SPINK8: variants seen among roughly 807,000 people sequenced by gnomAD.
The protein encoded by SPINK8 is serine protease inhibitor Kazal-type 8.
In SPINK8, 12 loss-of-function variants were observed where a neutral mutation model predicts 14.4. The ratio of observed to expected loss-of-function variants is 0.83; its 90% CI spans 0.53 to 1.35. SPINK8 has a LOEUF of 1.35. Ranked by LOEUF, SPINK8 falls within the 40% of genes most tolerant of loss-of-function variation. The pLI is 0.00. For missense variants in SPINK8, 103 were observed against 117.0 expected, an observed-to-expected ratio of 0.88 and a Z score of 0.55; for synonymous variants, 32 against 37.6, an observed-to-expected ratio of 0.85 and a Z score of 0.55.
At chr3:48,320,281 G>A (rs2036054849) in intron 5 of SPINK8, among the ~76,000 whole-genome samples, 1 of 152,132 alleles carries the variant, frequency 6.6e-6, no homozygotes, top group African/African-American at 2.4e-5. Flanking sequence ...CAGGCATGGC[G>A]GCTCACGCCT....
intron 6 of SPINK8, among the ~76,000 whole-genome samples, chr3:48,311,377 G>A (rs1035527112): frequency 1.3e-5 from 2 of 152,102 alleles, no homozygotes; most frequent in Admixed American, 6.5e-5. Context: ...ACATTGGACT[G>A]GAAATTCTAG....
intron 4 of SPINK8, among the ~76,000 whole-genome samples, chr3:48,322,382 C>T (rs2036087573): frequency 6.6e-6 from 1 of 151,720 alleles, no homozygotes; most frequent in African/African-American, 2.4e-5. Context: ...GTCGCCTAAG[C>T]TGGAGTGCAG....
At chr3:48,307,074 A>C (rs79089926) in intron 7 of SPINK8, 71 bp from the exon 8 acceptor site, 403,293 of 1,433,362 alleles carry the variant, frequency 0.28, 60,539 homozygotes, top group South Asian at 0.32. Flanking sequence ...ACACTGGTAA[A>C]CACAACCATA....
chr3:48,312,209 G>T (rs1044445804), intron 6 of SPINK8, among the ~76,000 whole-genome samples: 3 of 151,330 alleles, frequency 2.0e-5, no homozygotes, highest in African/African-American at 7.3e-5. Context: ...CAAAAGAAAA[G>T]AATCAAGGAT....
intron 3 of SPINK8, 41 bp from the exon 4 acceptor site, chr3:48,328,395 T>C: frequency 1.4e-6 from 2 of 1,471,592 alleles, no homozygotes; most frequent in East Asian, 4.7e-5. Flanking sequence ...CAAACATCTA[T>C]GCGAAGTACA....
chr3:48,316,380 T>G (rs961580834), intron 6 of SPINK8: 9 of 155,880 alleles, frequency 5.8e-5, no homozygotes, highest in African/African-American at 2.2e-4. Flanking sequence ...TCATACTGCT[T>G]CTAGCCTCCA....
At position 48,319,410 on chromosome 3, in the gene SPINK8, G is replaced by C. The variant is rs1015678163; in HGVS notation, c.239+87C>G. The C allele has an allele frequency of 4.7e-6, 7 of 1,477,730 alleles. No homozygotes were observed. In the South Asian group the frequency reaches 7.3e-5, roughly 16 times the overall value. The allele number at this position is 1,477,730 out of a possible 1,614,324, so 91.5% of individuals were successfully genotyped here. ...TGGAGAGAAGGTCTCATTGGATGATGTAGGAAGTGGGCTGAGGTCATCACC... is the reference window on the plus strand; with the variant it reads ...TGGAGAGAAGGTCTCATTGGATGATCTAGGAAGTGGGCTGAGGTCATCACC... On this transcript the variant is annotated intron_variant, in intron 6 of 7. Coordinates refer to ENST00000434006, the MANE Select transcript of SPINK8 (RefSeq NM_001080525.3).
chr3:48,309,977 T>C lies in SPINK8; in HGVS notation c.240-31A>G. On this transcript the variant is annotated intron_variant, in intron 6 of 7. Coordinates refer to ENST00000434006, the MANE Select transcript of SPINK8 (RefSeq NM_001080525.3). The stretch of plus-strand genomic sequence containing the variant: ...AGAAATTATATTTTAAAATTATTTT[T>C]GCTGTATGGTATATCATAAATTCTG... The C allele has an allele frequency of 2.1e-6, 3 of 1,401,926 alleles. No individual in the cohort carries two copies. In the East Asian group the frequency reaches 8.9e-5, roughly 42 times the overall value. 86.8% of individuals were successfully genotyped at this position (1,401,926 alleles called of 1,614,324 possible).
chr3:48,332,268 T>C (rs530711266), intron 2 of SPINK8, among the ~76,000 whole-genome samples, 98 bp downstream of exon 2: 6 of 152,186 alleles, frequency 3.9e-5, no homozygotes, highest in Non-Finnish European at 8.8e-5. Flanking sequence ...ATCTCTATTA[T>C]AAAAACTGAG....
In SPINK8 at chr3:48,329,216, T is replaced by C. The variant is rs774377388; in HGVS notation, c.-77A>G. Among the ~76,000 whole-genome samples the C allele has an allele frequency of 1.3e-5, 2 of 152,256 alleles. No homozygotes were observed. The highest frequency in any genetic ancestry group is 4.8e-5 in the African/African-American group (2 of 41,472). Reference sequence around the variant, plus strand: ...AACAGGATGGTTTTTGTTGATAGTTTGTTCATAATGAACTAGGAAGGAAGG... The same window carrying C: ...AACAGGATGGTTTTTGTTGATAGTTCGTTCATAATGAACTAGGAAGGAAGG... On this transcript the variant is annotated 5_prime_UTR_variant, in exon 3 of 8. Coordinates refer to ENST00000434006, the MANE Select transcript of SPINK8 (RefSeq NM_001080525.3).
At position 48,330,293 on chromosome 3, in the gene SPINK8, C is replaced by T. The variant is rs374940864; in HGVS notation, c.-135-1019G>A. ...CAGCACTTTGGGAAGCTGAGGCAGG[C>T]GGATCGCTTGAGGCTAGGAGTTCGA... On this transcript the variant is annotated intron_variant, in intron 2 of 7. Transcript: ENST00000434006. 2.8e-3 allele frequency among the ~76,000 whole-genome samples: 424 copies of T among 152,186 alleles called. 3 individuals are homozygous for T. The highest frequency in any genetic ancestry group is 9.4e-3 in the African/African-American group (392 of 41,508).
At chr3:48,320,995 G>A (rs1275741169) in intron 5 of SPINK8, 30 bp downstream of exon 5, 2 of 1,576,376 alleles carry the variant, frequency 1.3e-6, no homozygotes, top group Admixed American at 3.7e-5. Context: ...CCCCATTCCT[G>A]TTATTAGGAA....
chr3:48,332,801 AC>A (rs1340938919), intron 1 of SPINK8, among the ~76,000 whole-genome samples: 1 of 152,190 alleles, frequency 6.6e-6, no homozygotes, highest in Non-Finnish European at 1.5e-5. Flanking sequence ...GATTGTCCTA[AC>A]CCTTGTAAAA....
intron 6 of SPINK8, among the ~76,000 whole-genome samples, chr3:48,312,683 A>G (rs1287750188): frequency 6.6e-6 from 1 of 151,656 alleles, no homozygotes; most frequent in Non-Finnish European, 1.5e-5. Context: ...ATCTCACACC[A>G]TATATAAAAT....
Position 48,332,470 on chromosome 3 carries a change from C to T in SPINK8, c.-240G>A, listed in dbSNP as rs2036277533. Among the ~76,000 whole-genome samples, 1 of 152,188 alleles carries T rather than the reference C, an allele frequency of 6.6e-6. No individual in the cohort carries two copies. Among genetic ancestry groups the T allele is most frequent in the Non-Finnish European group, 1.5e-5 (1 of 68,040 alleles). On this transcript the variant is annotated splice_region_variant and 5_prime_UTR_variant, in exon 2 of 8. Coordinates refer to ENST00000434006, the MANE Select transcript of SPINK8 (RefSeq NM_001080525.3). ...AAAGGCAGTAGGATTTTCTTCCTTT[C>T]CCTGTGTTATAGTGGGCATCATTGA...
rs1340309758 is a variant in SPINK8, at chr3:48,319,587, C to T, written c.149G>A (p.Trp50Ter). 2 of 1,613,900 alleles carry T rather than the reference C, an allele frequency of 1.2e-6. No homozygotes were observed. Among genetic ancestry groups the T allele is most frequent in the South Asian group, 2.2e-5 (2 of 91,060 alleles). The stretch of plus-strand genomic sequence containing the variant: ...ACTGGGCTTGATGTAGGATAAAAAC[C>T]AGCACTTATTTACATTCTTGAGGCA... ...VECLKNVNKC[W>*]FLSYIKPSEP... The change falls in exon 6 of 8, where the codon TGG becomes TAG. Residue 50 changes from tryptophan (W) to a stop codon, truncating the protein, a stop_gained. Transcript: ENST00000434006. LOFTEE classifies it high-confidence loss of function.
At chr3:48,314,080 G>C (rs1161786253) in intron 6 of SPINK8, among the ~76,000 whole-genome samples, 1 of 152,092 alleles carries the variant, frequency 6.6e-6, no homozygotes, top group Non-Finnish European at 1.5e-5. Flanking sequence ...CTACCAATTT[G>C]TTCACTTTAA....
At chr3:48,326,345 C>T (rs4619808) in intron 4 of SPINK8, among the ~76,000 whole-genome samples, 32,813 of 152,026 alleles carry the variant, frequency 0.22, 4,360 homozygotes, top group South Asian at 0.3. Context: ...CGGTGGCTCA[C>T]GCCTGTAATC....
intron 2 of SPINK8, among the ~76,000 whole-genome samples, chr3:48,329,867 A>C (rs1378240702): frequency 2.6e-5 from 4 of 152,194 alleles, no homozygotes; most frequent in African/African-American, 4.8e-5. Flanking sequence ...CTTATATGGA[A>C]TCCTCCAAGT....
Sources: allele counts gnomAD v4.1 joint callset (sites outside exome capture counted in the v4.1 genomes callset), GRCh38; gene constraint gnomAD v4.1.1; transcripts MANE v1.5; gene names NCBI Gene and HGNC (gene_info 2026-07-23, HGNC 2026-07-21).